The following RUNX1 variants were observed in gnomAD, a reference collection of about 807,000 sequenced individuals.
The protein encoded by RUNX1 is runt-related transcription factor 1.
In RUNX1, 19 loss-of-function variants were observed where a neutral mutation model predicts 42.8. The observed-to-expected ratio is 0.44, with a 90% CI of 0.31 to 0.65. The LOEUF (loss-of-function observed/expected upper bound fraction) is 0.65, where lower values mean the gene tolerates loss of function less well. Among genes scored for constraint, RUNX1 ranks in the 30% least tolerant of loss-of-function variants. The pLI, the probability that RUNX1 is intolerant of heterozygous loss-of-function variation, is 0.07. For missense variants in RUNX1, 528 were observed against 672.0 expected (o/e 0.79, Z 2.37); for synonymous variants, 271 against 289.4 (o/e 0.94, Z 0.64).
intron 2 of RUNX1, among the ~76,000 whole-genome samples, chr21:34,948,504 C>T (rs1183001072): frequency 6.6e-6 from 1 of 152,158 alleles, no homozygotes; most frequent in African/African-American, 2.4e-5. Flanking sequence ...ACTCAAGGTT[C>T]AGGCTCTCAG....
At position 34,864,848 on chromosome 21, in the gene RUNX1, T is replaced by C. The variant is rs1232521561; in HGVS notation, c.509-5270A>G. 2.4e-4 allele frequency among the ~76,000 whole-genome samples: 37 copies of C among 151,962 alleles called. 1 individual carries two copies. The highest frequency in any genetic ancestry group is 2.4e-3 in the Admixed American group (37 of 15,250). On this transcript the variant is annotated intron_variant, in intron 5 of 8. Transcript: ENST00000675419. ...ACAAAAAACAACAGGGCAGATGAGG[T>C]TTGTCTTGATGTAGGCTTGGAAGCA...
At chr21:34,874,542 G>T (rs1190962816) in intron 5 of RUNX1, among the ~76,000 whole-genome samples, 2 of 144,128 alleles carry the variant, frequency 1.4e-5, no homozygotes, top group Non-Finnish European at 3.0e-5. Flanking sequence ...CCTGGGAGGT[G>T]GAGGTTGCAG....
At chr21:34,986,211 A>C (rs910540075) in intron 2 of RUNX1, among the ~76,000 whole-genome samples, 1 of 151,920 alleles carries the variant, frequency 6.6e-6, no homozygotes, top group Non-Finnish European at 1.5e-5. Context: ...GATACTGTCC[A>C]CTGTTTCACC....
At chr21:34,825,866 A>G (rs926451612) in intron 7 of RUNX1, among the ~76,000 whole-genome samples, 4 of 152,240 alleles carry the variant, frequency 2.6e-5, no homozygotes, top group African/African-American at 9.6e-5. Context: ...GAGGCCATAT[A>G]AAGAGGGAAG....
chr21:34,916,903 C>CTTTCCCAA (rs2058316025), intron 2 of RUNX1, among the ~76,000 whole-genome samples: 1 of 152,182 alleles, frequency 6.6e-6, no homozygotes, highest in South Asian at 2.1e-4. Flanking sequence ...GGAAAGGCAT[C>CTTTCCCAA]ATGATTGCTC....
At chr21:34,939,234 C>A (rs1019444433) in intron 2 of RUNX1, among the ~76,000 whole-genome samples, 2 of 152,212 alleles carry the variant, frequency 1.3e-5, no homozygotes, top group Non-Finnish European at 2.9e-5. Context: ...GAATGTGATA[C>A]TTTGCTAGGC....
chr21:34,933,591 C>T (rs1025347580), intron 2 of RUNX1, among the ~76,000 whole-genome samples: 1 of 152,108 alleles, frequency 6.6e-6, no homozygotes, highest in African/African-American at 2.4e-5. Flanking sequence ...CTGTGTTCGA[C>T]GTATAGTAGC....
At chr21:34,794,934 G>A (rs994542327) in intron 8 of RUNX1, among the ~76,000 whole-genome samples, 52 of 152,244 alleles carry the variant, frequency 3.4e-4, no homozygotes, top group African/African-American at 1.2e-3. Context: ...GTGGGGTGAC[G>A]GAAGCAAAGT....
intron 2 of RUNX1, among the ~76,000 whole-genome samples, chr21:34,893,772 T>G (rs1342857375): frequency 2.4e-5 from 2 of 83,676 alleles, no homozygotes; most frequent in Non-Finnish European, 5.1e-5. Flanking sequence ...AGTATGCTGT[T>G]TTTTTTTTTT....
intron 2 of RUNX1, among the ~76,000 whole-genome samples, chr21:34,921,669 G>C (rs1569105753): frequency 6.6e-6 from 1 of 151,734 alleles, no homozygotes; most frequent in Non-Finnish European, 1.5e-5. Flanking sequence ...GTCTCTCTCT[G>C]TTGCTCAGGC....
At chr21:34,896,218 A>G (rs1203994522) in intron 2 of RUNX1, among the ~76,000 whole-genome samples, 2 of 152,186 alleles carry the variant, frequency 1.3e-5, no homozygotes, top group African/African-American at 2.4e-5. Flanking sequence ...TTGTAGTTTC[A>G]GATTGTATCT....
intron 2 of RUNX1, among the ~76,000 whole-genome samples, chr21:34,979,901 G>A (rs2058833938): frequency 6.6e-6 from 1 of 152,164 alleles, no homozygotes; most frequent in South Asian, 2.1e-4. Flanking sequence ...CTGCCAGGTG[G>A]AGGGTGCTGG....
intron 7 of RUNX1, among the ~76,000 whole-genome samples, chr21:34,823,265 C>G (rs1405818066): frequency 6.6e-6 from 1 of 152,160 alleles, no homozygotes; most frequent in Non-Finnish European, 1.5e-5. Context: ...CTGCAGTGTC[C>G]TCCATACTTC....
intron 2 of RUNX1, among the ~76,000 whole-genome samples, chr21:34,931,810 G>A (rs2058449435): frequency 6.6e-6 from 1 of 151,960 alleles, no homozygotes. Flanking sequence ...TCTTAATAAA[G>A]AATGAAGCTT....
At chr21:34,813,628 G>A (rs1043608097) in intron 7 of RUNX1, among the ~76,000 whole-genome samples, 1 of 152,042 alleles carries the variant, frequency 6.6e-6, no homozygotes, top group African/African-American at 2.4e-5. Context: ...TGAGCTGCAG[G>A]TGTGAACTAC....
chr21:35,033,645 G>C (rs2059288220), intron 2 of RUNX1, among the ~76,000 whole-genome samples: 1 of 152,192 alleles, frequency 6.6e-6, no homozygotes, highest in Non-Finnish European at 1.5e-5. Context: ...AATAAGCATG[G>C]AGAAGTGACC....
Position 34,890,159 on chromosome 21 carries a change from C to G in RUNX1, c.97+2766G>C, listed in dbSNP as rs546486267. 1.5e-3 allele frequency among the ~76,000 whole-genome samples: 224 copies of G among 152,048 alleles called. 1 individual carries two copies. The highest frequency in any genetic ancestry group is 5.1e-3 in the African/African-American group (213 of 41,532). On this transcript the variant is annotated intron_variant, in intron 3 of 8. Coordinates refer to ENST00000675419, the MANE Select transcript of RUNX1 (RefSeq NM_001754.5). ...GCGTGGAGGCCTTTCCCGGGCGGGC[C>G]CGGACTGCGCGGAGCTGTCGGGACG...
At chr21:34,976,146 A>C (rs2058800202) in intron 2 of RUNX1, among the ~76,000 whole-genome samples, 1 of 151,806 alleles carries the variant, frequency 6.6e-6, no homozygotes, top group Admixed American at 6.6e-5. Flanking sequence ...AAAAAAAATT[A>C]CAGAAGAAAA....
chr21:34,933,795 G>A (rs2058465514), intron 2 of RUNX1, among the ~76,000 whole-genome samples: 1 of 152,172 alleles, frequency 6.6e-6, no homozygotes, highest in Non-Finnish European at 1.5e-5. Context: ...GGTCTGGGTG[G>A]CCTTGGAAAT....
Sources: allele counts gnomAD v4.1 joint callset (sites outside exome capture counted in the v4.1 genomes callset), GRCh38; gene constraint gnomAD v4.1.1; transcripts MANE v1.5; gene names NCBI Gene and HGNC (gene_info 2026-07-23, HGNC 2026-07-21).